The following GUCY1A2 variants were observed in gnomAD, a reference collection of about 807,000 sequenced individuals.
The protein encoded by GUCY1A2 is guanylate cyclase soluble subunit alpha-2.
GUCY1A2 carries 27 observed loss-of-function variants against 63.5 expected under a neutral mutation model. That is an observed-to-expected ratio of 0.43 (90% CI 0.31 to 0.59). The LOEUF is 0.59. GUCY1A2 is among the 20% of genes least tolerant of loss of function. The probability of loss-of-function intolerance (pLI) is 0.11; values close to 1 mark genes in which losing one functional copy is unlikely to be tolerated. For missense variants in GUCY1A2, 768 were observed against 913.3 expected (o/e 0.84, Z 2.05); for synonymous variants, 364 against 343.5 (o/e 1.06, Z -0.66).
intron 6 of GUCY1A2, chr11:106,746,435 G>GGAT: frequency 1.8e-6 from 1 of 560,204 alleles, no homozygotes; most frequent in Non-Finnish European, 3.2e-6. Context: ...ACAAACAAAA[G>GGAT]GATGATGATG....
At chr11:106,905,789 C>T (rs1255678592) in intron 4 of GUCY1A2, among the ~76,000 whole-genome samples, 1 of 152,118 alleles carries the variant, frequency 6.6e-6, no homozygotes, top group Non-Finnish European at 1.5e-5. Flanking sequence ...CCTTCATGTC[C>T]TTAATGCAGC....
intron 5 of GUCY1A2, among the ~76,000 whole-genome samples, chr11:106,798,388 G>C (rs1171788619): frequency 1.5e-4 from 23 of 152,160 alleles, no homozygotes; most frequent in Non-Finnish European, 2.9e-4. Flanking sequence ...AAAAGAAAAA[G>C]AGGGAATCCT....
intron 1 of GUCY1A2, among the ~76,000 whole-genome samples, chr11:107,005,286 T>C (rs1432072696): frequency 6.6e-6 from 1 of 152,134 alleles, no homozygotes; most frequent in Non-Finnish European, 1.5e-5. Context: ...ATTTTTTAAA[T>C]TTTTTTGGAG....
intron 3 of GUCY1A2, among the ~76,000 whole-genome samples, chr11:106,952,846 G>C (rs974580726): frequency 1.3e-5 from 2 of 151,910 alleles, no homozygotes; most frequent in African/African-American, 4.8e-5. Context: ...CACCATGTTG[G>C]CCAGTCTGGT....
At chr11:106,721,184 G>A (rs1372835469) in intron 6 of GUCY1A2, among the ~76,000 whole-genome samples, 4 of 151,028 alleles carry the variant, frequency 2.6e-5, no homozygotes, top group African/African-American at 7.3e-5. Flanking sequence ...TCAATCTACC[G>A]AGTAGCTGGG....
intron 4 of GUCY1A2, among the ~76,000 whole-genome samples, chr11:106,869,888 A>C (rs921669399): frequency 2.0e-5 from 3 of 152,180 alleles, no homozygotes; most frequent in African/African-American, 7.2e-5. Context: ...TGGATTAAGA[A>C]AATGTGGTAC....
In GUCY1A2 at chr11:106,916,961, A is replaced by G. The variant is rs1860377784; in HGVS notation, c.1206+22499T>C. The stretch of plus-strand genomic sequence containing the variant: ...TTAAAACATTTAATGAGAATCTATT[A>G]TGTAATTAAAATGTTGTTCTAGGAG... On this transcript the variant is annotated intron_variant, in intron 4 of 7. Coordinates refer to ENST00000526355, the MANE Select transcript of GUCY1A2 (RefSeq NM_000855.3). Among the ~76,000 whole-genome samples the G allele has an allele frequency of 1.4e-5, 2 of 146,106 alleles. 1 individual carries two copies. The highest frequency in any genetic ancestry group is 4.9e-5 in the African/African-American group (2 of 41,048).
At chr11:106,874,268 G>T (rs945087585) in intron 4 of GUCY1A2, among the ~76,000 whole-genome samples, 2 of 152,116 alleles carry the variant, frequency 1.3e-5, no homozygotes, top group African/African-American at 4.8e-5. Context: ...AATCCAATAG[G>T]CTGTGGCCTT....
intron 7 of GUCY1A2, among the ~76,000 whole-genome samples, chr11:106,694,357 C>T (rs919483003): frequency 5.9e-5 from 9 of 152,206 alleles, no homozygotes; most frequent in Admixed American, 3.3e-4. Flanking sequence ...ATTTGTTCTC[C>T]CTTTATTTAT....
Position 106,775,132 on chromosome 11 carries a change from G to C in GUCY1A2, c.1836+1307C>G, listed in dbSNP as rs72994937. Among the ~76,000 whole-genome samples the C allele has an allele frequency of 2.0e-5, 3 of 151,888 alleles. No individual in the cohort carries two copies. In the East Asian group the frequency reaches 5.8e-4, roughly 29 times the overall value. On this transcript the variant is annotated intron_variant, in intron 6 of 7. Coordinates refer to ENST00000526355, the MANE Select transcript of GUCY1A2 (RefSeq NM_000855.3). ...TTAATAACCTTTATCTTCCAGGTGG[G>C]TTAAATGTAAAAACCCATACTATGA...
intron 4 of GUCY1A2, among the ~76,000 whole-genome samples, chr11:106,828,483 A>C (rs1365247201): frequency 6.6e-6 from 1 of 151,858 alleles, no homozygotes; most frequent in African/African-American, 2.4e-5. Flanking sequence ...ATTTTTGTCA[A>C]CTTTGTCAAA....
chr11:106,957,264 A>C (rs1213415512), intron 3 of GUCY1A2, among the ~76,000 whole-genome samples: 2 of 145,380 alleles, frequency 1.4e-5, no homozygotes, highest in Non-Finnish European at 3.0e-5. Context: ...AGGAGCTCAA[A>C]TGGCTTAGAC....
At chr11:106,966,463 A>C (rs923111385) in intron 3 of GUCY1A2, among the ~76,000 whole-genome samples, 3 of 152,046 alleles carry the variant, frequency 2.0e-5, no homozygotes, top group African/African-American at 7.2e-5. Context: ...CGTATTTGTT[A>C]CTTGTCTGTA....
At chr11:106,844,944 A>AG (rs1431045555) in intron 4 of GUCY1A2, among the ~76,000 whole-genome samples, 1 of 151,708 alleles carries the variant, frequency 6.6e-6, no homozygotes, top group East Asian at 1.9e-4. Context: ...TAAACATAAC[A>AG]GAAAAAAAAG....
chr11:106,774,021 T>C (rs1864306364), intron 6 of GUCY1A2, among the ~76,000 whole-genome samples: 1 of 152,196 alleles, frequency 6.6e-6, no homozygotes, highest in African/African-American at 2.4e-5. Context: ...TTGATTTATA[T>C]AAAGATTCAT....
intron 5 of GUCY1A2, among the ~76,000 whole-genome samples, chr11:106,805,664 C>T (rs1255455439): frequency 6.6e-6 from 1 of 152,132 alleles, no homozygotes; most frequent in Admixed American, 6.5e-5. Flanking sequence ...ACCACTGCTC[C>T]CACAATGCCT....
chr11:106,915,990 G>T (rs1860364847), intron 4 of GUCY1A2, among the ~76,000 whole-genome samples: 1 of 144,460 alleles, frequency 6.9e-6, no homozygotes, highest in African/African-American at 2.5e-5. Flanking sequence ...AAAAATCCAT[G>T]AAGGGGAACA....
intron 1 of GUCY1A2, among the ~76,000 whole-genome samples, chr11:107,016,274 C>T (rs1378733155): frequency 6.6e-6 from 1 of 152,246 alleles, no homozygotes; most frequent in East Asian, 1.9e-4. Flanking sequence ...GGTGAAAGTG[C>T]TGTCAGGAGG....
chr11:106,684,861 A>G lies in GUCY1A2; in HGVS notation c.*2688T>C, dbSNP rs567910016. ...AGAATACTGTATAGATAAAAGTCAT[A>G]TGAAATAACAAATGCCACCACATTG... On this transcript the variant is annotated 3_prime_UTR_variant, in exon 8 of 8. Transcript: ENST00000526355. 1.4e-5 allele frequency: 3 copies of G among 207,872 alleles called. No homozygotes were observed. Among genetic ancestry groups the G allele is most frequent in the East Asian group, 7.3e-5 (1 of 13,716 alleles). 12.9% of individuals were successfully genotyped at this position (207,872 alleles called of 1,614,324 possible).
Sources: gnomAD v4.1 joint callset for allele counts (sites outside exome capture counted in the v4.1 genomes callset) on GRCh38, gnomAD v4.1.1 for gene constraint, MANE v1.5 for transcripts, NCBI Gene and HGNC (gene_info 2026-07-23, HGNC 2026-07-21) for gene names.